The following IDH1 variants were observed in gnomAD, a reference collection of about 807,000 sequenced individuals.
IDH1 encodes the protein isocitrate dehydrogenase (NADP(+)) 1.
A neutral mutation model predicts 46.1 loss-of-function variants in IDH1; 33 were observed. That is an observed-to-expected ratio of 0.72 (90% confidence interval 0.54 to 0.96). The LOEUF is 0.96. IDH1 is among the 40% of genes least tolerant of loss of function. The pLI is 0.00. For synonymous variants in IDH1, 144 were observed against 172.8 expected (o/e 0.83, Z 1.31); for missense variants, 421 against 515.7 (o/e 0.82, Z 1.78).
At chr2:208,241,884 G>A in intron 7 of IDH1, 110 bp downstream of exon 7, 1 of 1,094,054 alleles carries the variant, frequency 9.1e-7, no homozygotes, top group Non-Finnish European at 1.4e-6. Context: ...TGGACCTGGA[G>A]GTTTAACATT....
In IDH1 at chr2:208,242,130, C is replaced by T. The variant is rs747900297; in HGVS notation, c.714G>A (p.Gln238=). The T allele has an allele frequency of 2.5e-6, 4 of 1,613,846 alleles. No individual in the cohort carries two copies. Among genetic ancestry groups the T allele is most frequent in the East Asian group, 4.5e-5 (2 of 44,898 alleles). The change falls in exon 7 of 10, where the codon CAG becomes CAA. Residue 238 remains glutamine, a synonymous_variant. Transcript: ENST00000345146. ...QEIYDKQYKS[Q]FEAQKIWYEH... is the part of the protein sequence containing the mutation. ...CATACCAGATCTTTTGAGCTTCAAA[C>T]TGGGACTTGTACTGCCTGGGAAACA...
intron 6 of IDH1, 36 bp from the exon 7 acceptor site, chr2:208,242,181 G>C (rs1247848437): frequency 3.7e-6 from 6 of 1,601,290 alleles, no homozygotes; most frequent in Non-Finnish European, 5.1e-6. Flanking sequence ...TAATAATAAA[G>C]AAAATTGATT....
intron 7 of IDH1, among the ~76,000 whole-genome samples, chr2:208,241,223 CT>C (rs1347763142): frequency 6.6e-6 from 1 of 152,000 alleles, no homozygotes; most frequent in Non-Finnish European, 1.5e-5. Context: ...AACAAAAACA[CT>C]TTTTCTTTGT....
rs368904931 is a variant in IDH1 at position 208,245,359 on chromosome 2, G to A, written c.480C>T (p.Asp160=). ...GKVEITYTPS[D]GTQKVTYLVH... ...CCAGGTATGTCACCTTTTGGGTTCCGTCACTTGGTGTGTAGGTTATCTCTA... is the reference window on the plus strand; with the variant it reads ...CCAGGTATGTCACCTTTTGGGTTCCATCACTTGGTGTGTAGGTTATCTCTA... The change falls in exon 5 of 10, where the codon GAC becomes GAT. Residue 160 remains aspartate (D), a synonymous_variant. Coordinates refer to ENST00000345146, the MANE Select transcript of IDH1 (RefSeq NM_005896.4). 1.2e-5 allele frequency: 19 copies of A among 1,611,114 alleles called. No individual in the cohort carries two copies. The highest frequency in any genetic ancestry group is 1.8e-4 in the Middle Eastern group (1 of 5,634).
At chr2:208,237,592 T>G (rs1222273733) in intron 9 of IDH1, among the ~76,000 whole-genome samples, 1 of 151,980 alleles carries the variant, frequency 6.6e-6, no homozygotes, top group Non-Finnish European at 1.5e-5. Context: ...TTAAAAAAAG[T>G]TATAATGTTG....
In IDH1 at chr2:208,237,101, T is replaced by C; in HGVS notation, c.1223A>G (p.Lys408Arg). 1 of 1,603,908 alleles carries C rather than the reference T, an allele frequency of 6.2e-7. No homozygotes were observed. The highest frequency in any genetic ancestry group is 1.1e-5 in the South Asian group (1 of 90,640). The part of the protein sequence containing the change: ...MDKLGENLKI[K>R]LAQAKL ...AACTTAAAGTTTGGCCTGAGCTAGT[T>C]TGATCTTCAAGTTTTCTCCAAGTTT... is the stretch of plus-strand genomic sequence containing the variant. Residue 408 changes from lysine (K) to arginine (R), a missense_variant, in exon 10 of 10, where the codon AAA becomes AGA. Physicochemically the swap from Lys to Arg is conservative, Grantham distance 26. Transcript: ENST00000345146.
At chr2:208,249,666 T>C (rs1688087439) in intron 3 of IDH1, among the ~76,000 whole-genome samples, 1 of 152,222 alleles carries the variant, frequency 6.6e-6, no homozygotes, top group Non-Finnish European at 1.5e-5. Flanking sequence ...TGCCTCTAGA[T>C]TTCTTTTTGG....
chr2:208,242,239 A>T (rs2124852178), intron 6 of IDH1, 94 bp from the exon 7 acceptor site: 1 of 1,142,600 alleles, frequency 8.8e-7, no homozygotes, highest in East Asian at 2.4e-5. Flanking sequence ...CCGGACACAC[A>T]AGAAGCAGCA....
chr2:208,246,873 G>T (rs1403942214), intron 4 of IDH1, among the ~76,000 whole-genome samples: 2 of 152,108 alleles, frequency 1.3e-5, no homozygotes, highest in Non-Finnish European at 2.9e-5. Flanking sequence ...AACCCGGGAG[G>T]CAGAGGTTGC....
In IDH1 at chr2:208,236,640, G is replaced by T. The variant is rs942953302; in HGVS notation, c.*439C>A. ...AATGCACAGCTCTACCTCACAAAAC[G>T]GGATATCTATGACACCAGAACTTCC... is the stretch of plus-strand genomic sequence containing the variant. On this transcript the variant is annotated 3_prime_UTR_variant, in exon 10 of 10. Coordinates refer to ENST00000345146, the MANE Select transcript of IDH1 (RefSeq NM_005896.4). The T allele has an allele frequency of 3.8e-6, 1 of 260,576 alleles. No individual in the cohort carries two copies. Among genetic ancestry groups the T allele is most frequent in the Middle Eastern group, 1.1e-3 (1 of 872 alleles). 16.1% of individuals were successfully genotyped at this position (260,576 alleles called of 1,614,324 possible).
intron 6 of IDH1, 28 bp from the exon 7 acceptor site, chr2:208,242,173 A>G (rs112594278): frequency 0.013 from 20,124 of 1,608,138 alleles, 189 homozygotes; most frequent in African/African-American, 0.037. Context: ...AAAGAGAATA[A>G]TAATAAAGAA....
intron 9 of IDH1, among the ~76,000 whole-genome samples, chr2:208,238,487 T>C (rs944572784): frequency 1.3e-5 from 2 of 152,210 alleles, no homozygotes; most frequent in Non-Finnish European, 2.9e-5. Context: ...TACTATGTTC[T>C]CAGAAAAATT....
chr2:208,249,130 T>C (rs988005394), intron 3 of IDH1, among the ~76,000 whole-genome samples: 3 of 152,182 alleles, frequency 2.0e-5, no homozygotes, highest in East Asian at 3.9e-4. Flanking sequence ...GATGTGACAG[T>C]TGATGCCAAA....
At chr2:208,246,329 G>A (rs1028721556) in intron 4 of IDH1, among the ~76,000 whole-genome samples, 5 of 152,140 alleles carry the variant, frequency 3.3e-5, no homozygotes, top group East Asian at 1.9e-4. Flanking sequence ...AGCAGGTGCC[G>A]GCCACATCTA....
intron 9 of IDH1, 22 bp from the exon 10 acceptor site, chr2:208,237,191 A>G (rs201916871): frequency 9.0e-6 from 8 of 892,502 alleles, no homozygotes; most frequent in African/African-American, 8.3e-5. Context: ...GAAAAAAAAA[A>G]GAAAATTTAG....
At chr2:208,238,427 C>T (rs183121276) in intron 9 of IDH1, among the ~76,000 whole-genome samples, 377 of 152,352 alleles carry the variant, frequency 2.5e-3, no homozygotes, top group Middle Eastern at 0.02. Context: ...CCTGGGACCT[C>T]TGCAGATGCA....
intron 6 of IDH1, among the ~76,000 whole-genome samples, chr2:208,243,016 G>A (rs1324085616): frequency 6.6e-6 from 1 of 152,024 alleles, no homozygotes; most frequent in Non-Finnish European, 1.5e-5. Context: ...CGCCCGCCTC[G>A]GCCTCCCAAA....
intron 7 of IDH1, 55 bp downstream of exon 7, chr2:208,241,939 T>G: frequency 6.3e-7 from 1 of 1,592,864 alleles, no homozygotes; most frequent in Non-Finnish European, 8.6e-7. Flanking sequence ...CTTCCCAAAT[T>G]AGAGAACTAC....
In IDH1 at chr2:208,249,780, G is replaced by A. The variant is rs192251665; in HGVS notation, c.123-1120C>T. Among the ~76,000 whole-genome samples the A allele has an allele frequency of 4.9e-4, 74 of 152,110 alleles. 1 individual carries two copies. In the South Asian group the frequency reaches 8.9e-3, roughly 18 times the overall value. On this transcript the variant is annotated intron_variant, in intron 3 of 9. Coordinates refer to ENST00000345146, the MANE Select transcript of IDH1 (RefSeq NM_005896.4). Reference sequence around the variant, plus strand: ...AATAAAAATAACTTCCAACTGCTTCGACTTTAGATAATTCATATAAATCTA... The same window carrying A: ...AATAAAAATAACTTCCAACTGCTTCAACTTTAGATAATTCATATAAATCTA...
Sources: allele counts gnomAD v4.1 joint callset (sites outside exome capture counted in the v4.1 genomes callset), GRCh38; gene constraint gnomAD v4.1.1; transcripts MANE v1.5; gene names NCBI Gene and HGNC (gene_info 2026-07-23, HGNC 2026-07-21).